EPHA6: variants seen among roughly 807,000 people sequenced by gnomAD.
EPHA6 encodes EPH receptor A6.
In EPHA6, 50 loss-of-function variants were observed where a neutral mutation model predicts 112.0. The ratio of observed to expected loss-of-function variants is 0.45; its 90% confidence interval spans 0.36 to 0.56. The LOEUF (loss-of-function observed/expected upper bound fraction) is 0.56. Ranked by LOEUF, EPHA6 falls within the 20% of genes least tolerant of loss-of-function variation. EPHA6 has a pLI of 0.00. For missense variants in EPHA6, 1,280 were observed against 1,417.4 expected, an observed-to-expected ratio of 0.90 and a Z score of 1.56; for synonymous variants, 529 against 490.7, an observed-to-expected ratio of 1.08 and a Z score of -1.03.
chr3:97,014,746 C>G, intron 3 of EPHA6, among the ~76,000 whole-genome samples: 1 of 152,096 alleles, frequency 6.6e-6, no homozygotes, highest in East Asian at 1.9e-4. Context: ...AATATTACTT[C>G]AAAGGGATGA....
intron 16 of EPHA6, among the ~76,000 whole-genome samples, chr3:97,743,752 T>C (rs2035602128): frequency 6.6e-6 from 1 of 152,098 alleles, no homozygotes; most frequent in African/African-American, 2.4e-5. Context: ...GAGGGTGTCA[T>C]GTTAAAACAG....
At chr3:96,942,340 G>T (rs983151560) in intron 2 of EPHA6, among the ~76,000 whole-genome samples, 1 of 152,208 alleles carries the variant, frequency 6.6e-6, no homozygotes, top group Admixed American at 6.5e-5. Context: ...CAGCCTTGCT[G>T]CAGCCTTGCA....
chr3:97,563,207 G>A (rs1053353153), intron 11 of EPHA6, among the ~76,000 whole-genome samples: 9 of 152,166 alleles, frequency 5.9e-5, no homozygotes, highest in Admixed American at 5.9e-4. Context: ...ATAAAGTTAT[G>A]TTGAAGGTGA....
chr3:96,955,486 A>C (rs1023658135), intron 2 of EPHA6, among the ~76,000 whole-genome samples: 2 of 152,200 alleles, frequency 1.3e-5, no homozygotes, highest in African/African-American at 4.8e-5. Context: ...TGGTATATGA[A>C]GAATTTCCAC....
At chr3:97,542,415 G>A (rs2107679140) in intron 11 of EPHA6, among the ~76,000 whole-genome samples, 1 of 152,236 alleles carries the variant, frequency 6.6e-6, no homozygotes, top group African/African-American at 2.4e-5. Flanking sequence ...CCCTACAAAG[G>A]ACATGAACTC....
At chr3:96,880,517 C>T (rs985956182) in intron 2 of EPHA6, among the ~76,000 whole-genome samples, 1 of 148,864 alleles carries the variant, frequency 6.7e-6, no homozygotes, top group Non-Finnish European at 1.5e-5. Context: ...CTAATATTTT[C>T]CCCCCTTTTA....
intron 3 of EPHA6, among the ~76,000 whole-genome samples, chr3:97,187,294 T>G (rs1559783970): frequency 6.6e-6 from 1 of 152,006 alleles, no homozygotes; most frequent in Non-Finnish European, 1.5e-5. Flanking sequence ...ATGCCATATA[T>G]AAGCCGGGCA....
intron 14 of EPHA6, among the ~76,000 whole-genome samples, chr3:97,652,729 T>C (rs2094115600): frequency 6.6e-6 from 1 of 151,990 alleles, no homozygotes; most frequent in Non-Finnish European, 1.5e-5. Flanking sequence ...ATGCTGAGTA[T>C]GGCCAAGTAG....
At chr3:97,546,835 C>A (rs1486424370) in intron 11 of EPHA6, among the ~76,000 whole-genome samples, 1 of 152,134 alleles carries the variant, frequency 6.6e-6, no homozygotes, top group African/African-American at 2.4e-5. Flanking sequence ...TCACTGATAC[C>A]CTTTCTTCCA....
At chr3:97,054,842 G>A (rs1368379121) in intron 3 of EPHA6, among the ~76,000 whole-genome samples, 1 of 152,006 alleles carries the variant, frequency 6.6e-6, no homozygotes, top group African/African-American at 2.4e-5. Flanking sequence ...TTGTAATGGA[G>A]TGATTATCAT....
chr3:97,709,155 CAAAA>C (rs34571358), intron 14 of EPHA6, among the ~76,000 whole-genome samples: 12 of 117,300 alleles, frequency 1.0e-4, no homozygotes, highest in Non-Finnish European at 1.3e-4. Flanking sequence ...CCATGCAAGT[CAAAA>C]AAAAAAAAAA....
intron 2 of EPHA6, among the ~76,000 whole-genome samples, chr3:96,972,333 G>A (rs1243992907): frequency 6.6e-6 from 1 of 151,756 alleles, no homozygotes; most frequent in Non-Finnish European, 1.5e-5. Flanking sequence ...AATAGTTTTA[G>A]TATTAGAGGA....
At chr3:97,641,305 T>C (rs2094001628) in intron 14 of EPHA6, among the ~76,000 whole-genome samples, 1 of 152,220 alleles carries the variant, frequency 6.6e-6, no homozygotes, top group African/African-American at 2.4e-5. Flanking sequence ...CCAAATACTT[T>C]TCACATTTCC....
intron 5 of EPHA6, among the ~76,000 whole-genome samples, chr3:97,375,679 T>C (rs1217586491): frequency 6.6e-6 from 1 of 152,166 alleles, no homozygotes; most frequent in South Asian, 2.1e-4. Context: ...GTCTTGAATA[T>C]TTGAATCCTT....
At chr3:97,073,490 G>A (rs1486450354) in intron 3 of EPHA6, among the ~76,000 whole-genome samples, 2 of 152,004 alleles carry the variant, frequency 1.3e-5, no homozygotes, top group African/African-American at 4.8e-5. Context: ...TTTACACAAC[G>A]TGTGTTAGAA....
At chr3:97,026,234 G>A (rs375122410) in intron 3 of EPHA6, among the ~76,000 whole-genome samples, 37 of 150,922 alleles carry the variant, frequency 2.5e-4, no homozygotes, top group African/African-American at 3.9e-4. Context: ...TTTTTGCTTC[G>A]GATTGCCATG....
chr3:96,901,171 A>G (rs895112055), intron 2 of EPHA6, among the ~76,000 whole-genome samples: 16 of 152,184 alleles, frequency 1.1e-4, no homozygotes, highest in African/African-American at 3.6e-4. Flanking sequence ...TCAGTAATAT[A>G]CAATAGTTTT....
intron 2 of EPHA6, among the ~76,000 whole-genome samples, chr3:96,907,985 T>A (rs1029309077): frequency 2.0e-5 from 3 of 151,986 alleles, no homozygotes; most frequent in Non-Finnish European, 4.4e-5. Context: ...TACACAAACC[T>A]AGATGGTATA....
intron 3 of EPHA6, among the ~76,000 whole-genome samples, chr3:97,090,974 T>A (rs1163252579): frequency 3.3e-5 from 5 of 152,122 alleles, no homozygotes; most frequent in African/African-American, 1.2e-4. Flanking sequence ...ACACTAATAA[T>A]TACAGTAATA....
Sources: gnomAD v4.1 joint callset for allele counts (sites outside exome capture counted in the v4.1 genomes callset) on GRCh38, gnomAD v4.1.1 for gene constraint, MANE v1.5 for transcripts, NCBI Gene and HGNC (gene_info 2026-07-23, HGNC 2026-07-21) for gene names.